IL12RB1: variants seen among roughly 807,000 people sequenced by gnomAD.
The protein encoded by IL12RB1 is interleukin 12 receptor subunit beta 1, also known as interleukin-12 receptor subunit beta-1.
Under a neutral mutation model 94.4 loss-of-function variants are expected in IL12RB1, and 64 were observed. The ratio of observed to expected loss-of-function variants is 0.68; its 90% CI spans 0.55 to 0.83. IL12RB1 has a LOEUF of 0.83. IL12RB1 is among the 40% of genes least tolerant of loss of function. IL12RB1 has a pLI of 0.00. For synonymous variants in IL12RB1, 362 were observed against 355.5 expected (o/e 1.02, Z -0.21); for missense variants, 814 against 855.6 (o/e 0.95, Z 0.61).
At chr19:18,072,417 G>T in intron 8 of IL12RB1, 68 bp from the exon 9 acceptor site, 1 of 989,538 alleles carries the variant, frequency 1.0e-6, no homozygotes. Flanking sequence ...GCAGACAGCA[G>T]GGCACAGCCT....
At chr19:18,060,133 C>A in intron 15 of IL12RB1, 48 bp from the exon 16 acceptor site, 1 of 1,024,730 alleles carries the variant, frequency 9.8e-7, no homozygotes, top group East Asian at 2.4e-5. Flanking sequence ...CTCTACTTCC[C>A]ATCCACAGCA....
In IL12RB1 at chr19:18,080,849, A is replaced by G; in HGVS notation, c.392T>C (p.Leu131Pro). The G allele has an allele frequency of 6.2e-7, 1 of 1,608,996 alleles. No homozygotes were observed. The highest frequency in any genetic ancestry group is 8.5e-7 in the Non-Finnish European group (1 of 1,175,296). Residue 131 changes from leucine (L) to proline (P), a missense_variant, in exon 4 of 17, where the codon CTG (leucine) becomes CCG (proline). Physicochemically the swap from Leu to Pro is moderately conservative, Grantham distance 98 (BLOSUM62 -3). Coordinates refer to ENST00000593993, the MANE Select transcript of IL12RB1 (RefSeq NM_005535.3). The stretch of plus-strand genomic sequence containing the variant: ...GTGCTAACCTGAGTTGTAGAGCTGC[A>G]GGGTCACCTCAGGAGACTTCTCTGT... ...NQTEKSPEVT[L>P]QLYNSVKYEP... is the part of the protein sequence containing the mutation.
chr19:18,097,696 G>A (rs1417767371), intron 1 of IL12RB1: 6 of 765,322 alleles, frequency 7.8e-6, no homozygotes, highest in Non-Finnish European at 1.0e-5. Flanking sequence ...GGGCCAGGCC[G>A]TGTCAGCTGA....
Position 18,063,888 on chromosome 19 carries a change from G to A in IL12RB1, c.1606C>T (p.Arg536Cys), listed in dbSNP as rs377695964. ...WLRGVWSQPQ[R>C]FSIEVQVSDW... ...CCCCTCCACTCACCGATGCTGAAGC[G>A]CTGGGGCTGGCTCCAGACACCCCTC... The change falls in exon 13 of 17, where the codon CGC becomes TGC. Residue 536 changes from arginine (R) to cysteine (C), a missense_variant. By Grantham distance (180) the Arg-to-Cys change is radical (BLOSUM62 -3). Coordinates refer to ENST00000593993, the MANE Select transcript of IL12RB1 (RefSeq NM_005535.3). The A allele has an allele frequency of 3.4e-5, 55 of 1,613,250 alleles. No homozygotes were observed. The highest frequency in any genetic ancestry group is 8.0e-5 in the African/African-American group (6 of 75,028).
At position 18,059,529 on chromosome 19, in the gene IL12RB1, G is replaced by C; in HGVS notation, c.*79C>G. The C allele has an allele frequency of 1.3e-6, 1 of 762,870 alleles. No individual in the cohort carries two copies. The highest frequency in any genetic ancestry group is 2.4e-6 in the Non-Finnish European group (1 of 409,032). 47.3% of individuals were successfully genotyped at this position (762,870 alleles called of 1,614,324 possible). On this transcript the variant is annotated 3_prime_UTR_variant, in exon 17 of 17. Transcript: ENST00000593993. ...GCACTGGAGCCTGGAGGAGCTCTGG[G>C]TTATTTGGGTCCAAATGTGACTCCT...
upstream of IL12RB1, chr19:18,087,119 C>T (rs2036400149): frequency 5.9e-6 from 3 of 511,640 alleles, no homozygotes; most frequent in Admixed American, 1.0e-4. Flanking sequence ...TGGCCCCAGA[C>T]CTGAACTGAA....
At chr19:18,080,565 GATA>G (rs2035824293) in intron 4 of IL12RB1, among the ~76,000 whole-genome samples, 1 of 152,144 alleles carries the variant, frequency 6.6e-6, no homozygotes, top group African/African-American at 2.4e-5. Flanking sequence ...CATGAGAACA[GATA>G]ATAAGAACCC....
intron 4 of IL12RB1, among the ~76,000 whole-genome samples, chr19:18,079,918 A>G (rs978379806): frequency 6.6e-6 from 1 of 152,090 alleles, no homozygotes; most frequent in Admixed American, 6.6e-5. Context: ...AAAAGAAAAA[A>G]AGATTATACA....
rs1488212885 is a variant in IL12RB1 at position 18,082,102 on chromosome 19, A to C, written c.239+48T>G. ...AGGGGCACCAGAGGGGGTTGAAGCA[A>C]GAGTGGGATGGTGGGTGAGGGTTTG... On this transcript the variant is annotated intron_variant, in intron 3 of 16. Transcript: ENST00000593993. 6.7e-6 allele frequency: 8 copies of C among 1,193,646 alleles called. No homozygotes were observed. The South Asian group carries it at 9.8e-5, about 15-fold the overall frequency. 73.9% of individuals were successfully genotyped at this position (1,193,646 alleles called of 1,614,324 possible).
At chr19:18,063,605 T>A (rs200989513) in intron 13 of IL12RB1, among the ~76,000 whole-genome samples, 2 of 152,086 alleles carry the variant, frequency 1.3e-5, no homozygotes, top group Admixed American at 1.3e-4. Flanking sequence ...ACTTTTGAGC[T>A]GAGTTTTGAA....
chr19:18,068,779 C>T (rs2034790750), intron 10 of IL12RB1, among the ~76,000 whole-genome samples: 3 of 143,982 alleles, frequency 2.1e-5, no homozygotes, highest in Admixed American at 7.0e-5. Flanking sequence ...GATGGAGTCT[C>T]GCTGTGTCAC....
chr19:18,092,806 A>G (rs2036695293), intron 1 of IL12RB1, among the ~76,000 whole-genome samples: 1 of 151,828 alleles, frequency 6.6e-6, no homozygotes, highest in Non-Finnish European at 1.5e-5. Flanking sequence ...TCCCAAACAG[A>G]TTAGAGGATG....
At position 18,064,897 on chromosome 19, in the gene IL12RB1, C is replaced by G. The variant is rs150911978; in HGVS notation, c.1484-887G>C. On this transcript the variant is annotated intron_variant, in intron 12 of 16. Coordinates refer to ENST00000593993, the MANE Select transcript of IL12RB1 (RefSeq NM_005535.3). ...AGCAGGTCCTGGGCTTTCCATAAGA[C>G]ACGCCCACCAGTGTGCCATGTCAGT... is the stretch of plus-strand genomic sequence containing the variant. Among the ~76,000 whole-genome samples the G allele has an allele frequency of 4.9e-3, 745 of 152,236 alleles. 1 individual carries two copies. The highest frequency in any genetic ancestry group is 8.3e-3 in the Non-Finnish European group (567 of 68,018).
intron 4 of IL12RB1, among the ~76,000 whole-genome samples, chr19:18,080,198 G>C (rs2035791697): frequency 6.6e-6 from 1 of 151,890 alleles, no homozygotes; most frequent in African/African-American, 2.4e-5. Context: ...TGGGATTGCA[G>C]GCATGCACCA....
chr19:18,059,030 G>A lies in IL12RB1; in HGVS notation c.*578C>T, dbSNP rs1165776229. 1 of 154,568 alleles carries A rather than the reference G, an allele frequency of 6.5e-6. No individual in the cohort carries two copies. The highest frequency in any genetic ancestry group is 1.4e-5 in the Non-Finnish European group (1 of 69,722). The allele number at this position is 154,568 out of a possible 1,614,324, so 9.6% of individuals were successfully genotyped here. A position where few individuals can be genotyped will look rare whatever the true frequency, so the allele number is the denominator to read the frequency against. The stretch of plus-strand genomic sequence containing the variant: ...GGCTCGTGTTTTGAGATTTTGAGCA[G>A]GACATTCAAGCTTCAAACAGGAAAA... On this transcript the variant is annotated 3_prime_UTR_variant, in exon 17 of 17. Coordinates refer to ENST00000593993, the MANE Select transcript of IL12RB1 (RefSeq NM_005535.3).
chr19:18,061,171 A>G lies in IL12RB1; in HGVS notation c.1742T>C (p.Leu581Pro). The G allele has an allele frequency of 6.3e-7, 1 of 1,598,148 alleles. No individual in the cohort carries two copies. Among genetic ancestry groups the G allele is most frequent in the Non-Finnish European group, 8.5e-7 (1 of 1,171,180 alleles). Residue 581 changes from leucine (L) to proline (P), a missense_variant, in exon 15 of 17, where the codon CTG (leucine) becomes CCG (proline). Leu to Pro is a moderately conservative substitution (Grantham distance 98). Transcript: ENST00000593993. ...NRAARHLCPP[L>P]PTPCASSAIE... ...GGCGGAGCTGGCACAGGGTGTGGGCAGCGGCGGGCACAGGTGCCGTGCGGC... is the reference window on the plus strand; with the variant it reads ...GGCGGAGCTGGCACAGGGTGTGGGCGGCGGCGGGCACAGGTGCCGTGCGGC...
chr19:18,070,809 G>T (rs1249076828), intron 9 of IL12RB1: 1 of 151,986 alleles, frequency 6.6e-6, no homozygotes, highest in Non-Finnish European at 1.5e-5. Flanking sequence ...ACCAGGTGTG[G>T]TGGTGCATGT....
Position 18,060,038 on chromosome 19 carries a change from C to G in IL12RB1, c.1839G>C (p.Leu613=). The G allele has an allele frequency of 6.2e-7, 1 of 1,606,444 alleles. No homozygotes were observed. Among genetic ancestry groups the G allele is most frequent in the Non-Finnish European group, 8.5e-7 (1 of 1,174,166 alleles). ...ACATCTCTACCACCAGGGCCTCCTG[C>G]AGGGATGCCTCTTCCTGGAAGTCCA... The part of the protein sequence containing the change: ...NPVDFQEEAS[L]QEALVVEMSW... The change falls in exon 16 of 17, where the codon CTG becomes CTC. Residue 613 remains leucine, a synonymous_variant. Coordinates refer to ENST00000593993, the MANE Select transcript of IL12RB1 (RefSeq NM_005535.3).
At chr19:18,064,595 C>T (rs2034437132) in intron 12 of IL12RB1, among the ~76,000 whole-genome samples, 1 of 151,918 alleles carries the variant, frequency 6.6e-6, no homozygotes, top group Admixed American at 6.6e-5. Context: ...GCCTCAGCCT[C>T]CTGAGTAGCC....
Sources: allele counts gnomAD v4.1 joint callset (sites outside exome capture counted in the v4.1 genomes callset), GRCh38; gene constraint gnomAD v4.1.1; transcripts MANE v1.5; gene names NCBI Gene and HGNC (gene_info 2026-07-23, HGNC 2026-07-21).